KRABD3: variants seen among roughly 807,000 people sequenced by gnomAD.
The protein encoded by KRABD3 is KRAB domain containing 3.
At chr7:149,716,738 C>G in the KRABD3 span, among the ~76,000 whole-genome samples, 2 of 152,108 alleles carry the variant, frequency 1.3e-5, no homozygotes, top group Admixed American at 6.5e-5. Context: ...TGGTCAGGAG[C>G]AGTATGTGGA....
At chr7:149,732,540 A>G in the KRABD3 span, among the ~76,000 whole-genome samples, 1,864 of 152,260 alleles carry the variant, frequency 0.012, 42 homozygotes, top group African/African-American at 0.042. This position sits in a 1 kb window ranked among gnomAD's most constrained non-coding sequence, Gnocchi z 4.0. Context: ...GTGCCTGGCC[A>G]AGCCTTTCCT....
chr7:149,725,891 G>A, the KRABD3 span: 49 of 1,581,408 alleles, frequency 3.1e-5, no homozygotes, highest in Non-Finnish European at 3.8e-5. Context: ...CTACAGAAGC[G>A]ACCAGAGAGC....
At chr7:149,719,497 G>C in the KRABD3 span, 1 of 1,521,128 alleles carries the variant, frequency 6.6e-7, no homozygotes, top group Non-Finnish European at 8.8e-7. This position sits in a 1 kb window ranked among gnomAD's most constrained non-coding sequence, Gnocchi z 5.6. Context: ...CAGCTAGGCT[G>C]TCCCCTCTGG....
the KRABD3 span, chr7:149,729,941 C>A: frequency 7.8e-7 from 1 of 1,278,028 alleles, no homozygotes; most frequent in Non-Finnish European, 9.9e-7. Flanking sequence ...AGCAGACTTT[C>A]CAAAGCTGCT....
the KRABD3 span, chr7:149,724,654 C>T: frequency 1.3e-6 from 2 of 1,527,988 alleles, no homozygotes; most frequent in Non-Finnish European, 1.8e-6. Context: ...TCCCGCAGGG[C>T]CTGGATACCT....
chr7:149,718,078 G>A, the KRABD3 span, among the ~76,000 whole-genome samples: 3 of 152,090 alleles, frequency 2.0e-5, no homozygotes, highest in South Asian at 2.1e-4. Context: ...GATTACAGGC[G>A]TGAACCATCA....
chr7:149,731,721 G>A, the KRABD3 span: 6 of 1,612,474 alleles, frequency 3.7e-6, no homozygotes, highest in Non-Finnish European at 5.1e-6. Flanking sequence ...AAAGGCCCAG[G>A]GTTAGTGAAG....
chr7:149,732,891 G>T, the KRABD3 span, among the ~76,000 whole-genome samples: 5 of 152,120 alleles, frequency 3.3e-5, no homozygotes, highest in South Asian at 2.1e-4. The surrounding 1 kb of genome is among the most constrained non-coding windows in gnomAD (Gnocchi z 4.0). Context: ...GTGCCATTTG[G>T]TCTCATCAAC....
chr7:149,719,795 C>A, the KRABD3 span: 1 of 1,276,040 alleles, frequency 7.8e-7, no homozygotes, highest in Non-Finnish European at 1.1e-6. The surrounding 1 kb of genome is among the most constrained non-coding windows in gnomAD (Gnocchi z 5.6). Context: ...GGATCGTTCA[C>A]GCTGCTGCTA....
the KRABD3 span, chr7:149,722,442 C>T: frequency 6.2e-7 from 1 of 1,607,548 alleles, no homozygotes; most frequent in Non-Finnish European, 8.5e-7. Context: ...CAAACCGTGG[C>T]CTACAAGGAA....
chr7:149,724,582 A>G, the KRABD3 span: 1 of 1,199,312 alleles, frequency 8.3e-7, no homozygotes, highest in Non-Finnish European at 1.1e-6. Context: ...TAACCCTATA[A>G]AGGCCTCAAG....
At chr7:149,723,903 G>A in the KRABD3 span, 158 of 1,611,832 alleles carry the variant, frequency 9.8e-5, no homozygotes, top group African/African-American at 5.2e-4. Context: ...AAGGCTTCTC[G>A]CTGGGCTGGG....
the KRABD3 span, chr7:149,730,644 C>A: frequency 4.0e-6 from 6 of 1,518,366 alleles, no homozygotes; most frequent in South Asian, 1.2e-5. Context: ...TCCTTTGAGT[C>A]CTGCCTGTCG....
At chr7:149,733,842 C>T in the KRABD3 span, 10 of 1,602,104 alleles carry the variant, frequency 6.2e-6, no homozygotes, top group African/African-American at 1.3e-5. Flanking sequence ...CCCCTTCCCC[C>T]TTTAGTGCCT....
At chr7:149,717,036 C>T in the KRABD3 span, among the ~76,000 whole-genome samples, 22 of 152,106 alleles carry the variant, frequency 1.4e-4, no homozygotes, top group African/African-American at 5.3e-4. Flanking sequence ...TGAGGCTAGG[C>T]CCCAGTCACC....
At chr7:149,721,010 A>G in the KRABD3 span, 1 of 1,612,052 alleles carries the variant, frequency 6.2e-7, no homozygotes, top group Admixed American at 1.7e-5. Context: ...ACAGTGGGGC[A>G]GTGCACGCAG....
chr7:149,727,427 T>C, the KRABD3 span, among the ~76,000 whole-genome samples: 12,305 of 152,258 alleles, frequency 0.081, 1,701 homozygotes, highest in African/African-American at 0.28. Context: ...CATAGCTTTG[T>C]TCAAAAGCTA....
At chr7:149,730,142 C>T in the KRABD3 span, 1 of 1,503,580 alleles carries the variant, frequency 6.7e-7, no homozygotes, top group Non-Finnish European at 8.9e-7. Context: ...TGGTCCCCTG[C>T]CCAGGGTCTG....
chr7:149,717,482 G>A, the KRABD3 span, among the ~76,000 whole-genome samples: 1 of 152,270 alleles, frequency 6.6e-6, no homozygotes, highest in Non-Finnish European at 1.5e-5. Flanking sequence ...AGGAAGAAAT[G>A]TAAATAACTC....
Sources: gnomAD v4.1 joint callset for allele counts (sites outside exome capture counted in the v4.1 genomes callset) on GRCh38, gnomAD v4.1.1 for gene constraint, Gnocchi (gnomAD v3.1) non-coding constraint, MANE v1.5 for transcripts, NCBI Gene and HGNC (gene_info 2026-07-23, HGNC 2026-07-21) for gene names.